Variants in CFH observed in about 807,000 individuals in gnomAD.
CFH encodes H factor 1 (complement).
Under a neutral mutation model 147.3 loss-of-function variants are expected in CFH, and 53 were observed. The ratio of observed to expected loss-of-function variants is 0.36; its 90% CI spans 0.29 to 0.45. The LOEUF (loss-of-function observed/expected upper bound fraction) is 0.45. Among genes scored for constraint, CFH ranks in the 20% least tolerant of loss-of-function variants. The pLI is 1.00. For missense variants in CFH, 1,380 were observed against 1,498.0 expected, an observed-to-expected ratio of 0.92 and a Z score of 1.30; for synonymous variants, 536 against 489.4, an observed-to-expected ratio of 1.10 and a Z score of -1.26.
chr1:196,714,635 G>GTGTATATATGTATATGTATATATA (rs1392624278), intron 10 of CFH, among the ~76,000 whole-genome samples: 1 of 24,924 alleles, frequency 4.0e-5, no homozygotes, highest in African/African-American at 1.7e-4. Flanking sequence ...ACGTATATAT[G>GTGTATATATGTATATGTATATATA]TATATATATA....
chr1:196,709,271 C>G (rs559360723), intron 9 of CFH, among the ~76,000 whole-genome samples: 13 of 152,088 alleles, frequency 8.5e-5, no homozygotes, highest in Admixed American at 1.3e-4. Context: ...TTCAAGCTCA[C>G]AATTCTGTTT....
In CFH at chr1:196,673,850, G is replaced by A. The variant is rs35814900; in HGVS notation, c.245-7G>A. Reference sequence around the variant, plus strand: ...ATACTAATTCATAACTTTTTTTTTCGTTTTAGAAAGGCCCTGTGGACATCC... The same window carrying A: ...ATACTAATTCATAACTTTTTTTTTCATTTTAGAAAGGCCCTGTGGACATCC... On this transcript the variant is annotated splice_region_variant and splice_polypyrimidine_tract_variant and intron_variant, in intron 2 of 21. Coordinates refer to ENST00000367429, the MANE Select transcript of CFH (RefSeq NM_000186.4). The A allele has an allele frequency of 0.018, 28,643 of 1,553,794 alleles. 343 individuals carry two copies. The highest frequency in any genetic ancestry group is 0.021 in the Non-Finnish European group (24,479 of 1,142,284).
At chr1:196,690,497 T>G in intron 9 of CFH, 1 of 517,734 alleles carries the variant, frequency 1.9e-6, no homozygotes, top group Non-Finnish European at 3.5e-6. Context: ...CAATACTTGT[T>G]GGTTAAATGA....
chr1:196,729,033 G>A (rs909993319), intron 15 of CFH, among the ~76,000 whole-genome samples: 1 of 151,902 alleles, frequency 6.6e-6, no homozygotes, highest in Non-Finnish European at 1.5e-5. Flanking sequence ...TGAAAAGTTA[G>A]TCATATTGAC....
intron 9 of CFH, among the ~76,000 whole-genome samples, chr1:196,704,788 G>C (rs998483897): frequency 6.6e-6 from 1 of 152,162 alleles, no homozygotes; most frequent in Admixed American, 6.5e-5. Flanking sequence ...ACAAAAACAT[G>C]GAACTGAGGA....
intron 1 of CFH, among the ~76,000 whole-genome samples, chr1:196,671,189 C>T (rs1298858406): frequency 4.0e-5 from 6 of 151,852 alleles, no homozygotes; most frequent in South Asian, 4.2e-4. Context: ...TTTAAATTTT[C>T]ATTTCTATAT....
intron 15 of CFH, among the ~76,000 whole-genome samples, chr1:196,733,712 A>T (rs1669334186): frequency 6.6e-6 from 1 of 151,994 alleles, no homozygotes. Context: ...GAAAGTTGTA[A>T]AAGTTAGGGC....
chr1:196,737,533 G>C lies in CFH; in HGVS notation c.2655G>C (p.Arg885Ser), dbSNP rs753838393. 1 of 1,613,068 alleles carries C rather than the reference G, an allele frequency of 6.2e-7. No individual in the cohort carries two copies. The highest frequency in any genetic ancestry group is 1.7e-5 in the Admixed American group (1 of 59,940). ...AACACGGAACCATTAATTCATCCAG[G>C]TCTTCACAAGAAAGTTATGCACATG... ...QIEHGTINSS[R>S]SSQESYAHGT... Residue 885 changes from arginine to serine, a missense_variant, in exon 17 of 22, where the codon AGG becomes AGC. This residue lies in a region of CFH where 830 missense variants were observed against 821.4 expected (regional missense o/e 1.01). Transcript: ENST00000367429.
intron 9 of CFH, among the ~76,000 whole-genome samples, chr1:196,704,239 C>T (rs371049702): frequency 2.6e-5 from 4 of 152,002 alleles, no homozygotes; most frequent in Non-Finnish European, 4.4e-5. Flanking sequence ...GGATTACAGG[C>T]GTGTGCCACC....
chr1:196,715,263 A>G (rs1316330313), intron 10 of CFH, among the ~76,000 whole-genome samples: 1 of 151,922 alleles, frequency 6.6e-6, no homozygotes, highest in African/African-American at 2.4e-5. Flanking sequence ...TTCTGTTATG[A>G]TTTTCTTTAA....
intron 18 of CFH, chr1:196,741,672 A>G: frequency 1.8e-6 from 1 of 562,408 alleles, no homozygotes; most frequent in Non-Finnish European, 3.1e-6. Flanking sequence ...TTCTAATATC[A>G]TTTCTATCTT....
chr1:196,691,503 ATT>A (rs563237084), intron 9 of CFH, among the ~76,000 whole-genome samples: 175 of 152,058 alleles, frequency 1.2e-3, no homozygotes, highest in African/African-American at 4.1e-3. Context: ...GTAAATTTGC[ATT>A]TCTTTTACCA....
chr1:196,708,354 A>G (rs1668644190), intron 9 of CFH, among the ~76,000 whole-genome samples: 2 of 152,196 alleles, frequency 1.3e-5, no homozygotes, highest in Non-Finnish European at 2.9e-5. Context: ...TTCCAGGTCC[A>G]AGTAATAGTA....
rs1486048755 is a variant in CFH at position 196,736,899 on chromosome 1, G to A, written c.2489G>A (p.Arg830Gln). The change falls in exon 16 of 22, where the codon CGG (arginine) becomes CAG (glutamine). Residue 830 changes from arginine to glutamine, a missense_variant. Coordinates refer to ENST00000367429, the MANE Select transcript of CFH (RefSeq NM_000186.4). The stretch of plus-strand genomic sequence containing the variant: ...AATATGACAACCACACTGAATTATC[G>A]GGATGGAGAAAAAGTATCTGTTCTT... ...SHNMTTTLNY[R>Q]DGEKVSVLCQ... 6 of 1,609,316 alleles carry A rather than the reference G, an allele frequency of 3.7e-6. No individual in the cohort carries two copies. The highest frequency in any genetic ancestry group is 2.2e-5 in the South Asian group (2 of 90,636).
rs1558154243 is a variant in CFH at position 196,672,994 on chromosome 1, T to G, written c.75T>G (p.Pro25=). 6.2e-7 allele frequency: 1 copy of G among 1,613,934 alleles called. No individual in the cohort carries two copies. The highest frequency in any genetic ancestry group is 8.5e-7 in the Non-Finnish European group (1 of 1,179,942). ...ICVAEDCNEL[P]PRRNTEILTG... is the part of the protein sequence containing the mutation. ...TGTTTGTAGATTGCAATGAACTTCC[T>G]CCAAGAAGAAATACAGAAATTCTGA... Residue 25 remains proline (P), a synonymous_variant, in exon 2 of 22, where the codon CCT becomes CCG. Coordinates refer to ENST00000367429, the MANE Select transcript of CFH (RefSeq NM_000186.4).
chr1:196,742,889 T>A (rs967332891), intron 19 of CFH, among the ~76,000 whole-genome samples: 36 of 152,288 alleles, frequency 2.4e-4, no homozygotes, highest in Admixed American at 4.6e-4. Flanking sequence ...TTTAAAAAAA[T>A]TTTTCCACAT....
intron 17 of CFH, among the ~76,000 whole-genome samples, chr1:196,739,972 C>T (rs1652753802): frequency 1.3e-5 from 2 of 152,142 alleles, no homozygotes; most frequent in East Asian, 1.9e-4. Context: ...GGTAAGCAAA[C>T]ATGTCCTTCT....
chr1:196,681,470 T>TCACACA (rs3043111), intron 6 of CFH, among the ~76,000 whole-genome samples: 1,760 of 148,114 alleles, frequency 0.012, 25 homozygotes, highest in African/African-American at 0.037. Flanking sequence ...ACTAATTGAT[T>TCACACA]CACACACACA....
intron 1 of CFH, among the ~76,000 whole-genome samples, chr1:196,652,552 T>A (rs1425956952): frequency 6.6e-6 from 1 of 151,888 alleles, no homozygotes; most frequent in Admixed American, 6.6e-5. Flanking sequence ...ACATAGTCAA[T>A]AAAAGCCATC....
Sources: gnomAD v4.1 joint callset for allele counts (sites outside exome capture counted in the v4.1 genomes callset) on GRCh38, gnomAD v4.1.1 for gene constraint, gnomAD v4.1.1 regional missense constraint, MANE v1.5 for transcripts, NCBI Gene and HGNC (gene_info 2026-07-23, HGNC 2026-07-21) for gene names.